KIF5C: variants seen among roughly 807,000 people sequenced by gnomAD.
The protein encoded by KIF5C is kinesin family member 5C.
KIF5C carries 18 observed loss-of-function variants against 125.2 expected under a neutral mutation model. The ratio of observed to expected loss-of-function variants is 0.14; its 90% CI spans 0.10 to 0.21. The LOEUF is 0.21. Ranked by LOEUF, KIF5C falls within the 10% of genes least tolerant of loss-of-function variation. The pLI, the probability that KIF5C is intolerant of heterozygous loss-of-function variation, is 1.00. For synonymous variants in KIF5C, 405 were observed against 434.0 expected (o/e 0.93, Z 0.83); for missense variants, 780 against 1,183.8 (o/e 0.66, Z 5.01).
chr2:148,994,423 C>A lies in KIF5C; in HGVS notation c.1908C>A (p.His636Gln), dbSNP rs369601694. Reference protein sequence around the residue: ...LAACQLLISQHEAKIKSLTDY... With the variant: ...LAACQLLISQQEAKIKSLTDY... ...TCTTCCTTTTTGCTTGTTTAAAGCA[C>A]GAAGCCAAGATCAAGTCTCTGACAG... Residue 636 changes from histidine (H) to glutamine (Q), a missense_variant and splice_region_variant, in exon 17 of 26, where the codon CAC becomes CAA. Around this residue, in one of 2 missense-constraint regions of KIF5C, gnomAD observed 573 missense variants for 742.6 expected, o/e 0.77. Transcript: ENST00000435030. 3 of 1,558,864 alleles carry A rather than the reference C, an allele frequency of 1.9e-6. No individual in the cohort carries two copies. Among genetic ancestry groups the A allele is most frequent in the Non-Finnish European group, 2.6e-6 (3 of 1,151,560 alleles).
chr2:149,000,453 G>T lies in KIF5C; in HGVS notation c.2241G>T (p.Glu747Asp). Residue 747 changes from glutamate to aspartate, a missense_variant, in exon 20 of 26, where the codon GAG (glutamate) becomes GAT (aspartate). Physicochemically the swap from Glu to Asp is conservative, Grantham distance 45 (BLOSUM62 2). Around this residue, in one of 2 missense-constraint regions of KIF5C, gnomAD observed 573 missense variants for 742.6 expected, o/e 0.77. Coordinates refer to ENST00000435030, the MANE Select transcript of KIF5C (RefSeq NM_004522.3). ...ATCAGAAACTGCAACTGGAACAGGA[G>T]AAGCTTAGTTCTGATTATAACAAGC... Reference protein sequence around the residue: ...DLNQKLQLEQEKLSSDYNKLK... With the variant: ...DLNQKLQLEQDKLSSDYNKLK... The T allele has an allele frequency of 6.3e-7, 1 of 1,587,226 alleles. No homozygotes were observed. The highest frequency in any genetic ancestry group is 1.1e-5 in the South Asian group (1 of 87,520).
In KIF5C at chr2:148,960,224, G is replaced by C. The variant is rs1237756593; in HGVS notation, c.969-1747G>C. Among the ~76,000 whole-genome samples, 3 of 152,246 alleles carry C rather than the reference G, an allele frequency of 2.0e-5. No homozygotes were observed. The East Asian group carries it at 5.8e-4, about 29-fold the overall frequency. ...AATATGCCTCTGGCTAAACCTGCCT[G>C]AGTATAGCATAGAGGCTTTAGCTTT... On this transcript the variant is annotated intron_variant, in intron 10 of 25. Transcript: ENST00000435030.
In KIF5C at chr2:149,024,820, T is replaced by G. The variant is rs1028879561; in HGVS notation, c.*1750T>G. On this transcript the variant is annotated 3_prime_UTR_variant, in exon 26 of 26. Coordinates refer to ENST00000435030, the MANE Select transcript of KIF5C (RefSeq NM_004522.3). ...TTTTGTTATCAGTGCCAGCCCAATATACCTGCTCTACCATTATTTGCGGTC... is the reference window on the plus strand; with the variant it reads ...TTTTGTTATCAGTGCCAGCCCAATAGACCTGCTCTACCATTATTTGCGGTC... 2.0e-5 allele frequency: 3 copies of G among 152,624 alleles called. No homozygotes were observed. The highest frequency in any genetic ancestry group is 7.2e-5 in the African/African-American group (3 of 41,442). The allele number at this position is 152,624 out of a possible 1,614,324, so 9.5% of individuals were successfully genotyped here.
chr2:148,930,333 T>C (rs1337723063), intron 3 of KIF5C, among the ~76,000 whole-genome samples: 1 of 151,966 alleles, frequency 6.6e-6, no homozygotes, highest in African/African-American at 2.4e-5. Context: ...TTTTCCTTTT[T>C]TTTTTTTCTT....
At chr2:148,912,159 A>G (rs1177752136) in intron 1 of KIF5C, among the ~76,000 whole-genome samples, 2 of 152,216 alleles carry the variant, frequency 1.3e-5, no homozygotes, top group Non-Finnish European at 2.9e-5. Flanking sequence ...TGAGTCCATT[A>G]GTGGTTCAAA....
intron 1 of KIF5C, among the ~76,000 whole-genome samples, chr2:148,875,950 GGGCGGGGGT>G (rs1208592568): frequency 3.3e-5 from 5 of 151,778 alleles, no homozygotes; most frequent in African/African-American, 4.8e-5. Context: ...GCGGCGGGCC[GGGCGGGGGT>G]GGCGGGGGTG....
At chr2:148,909,275 G>A (rs746871311) in intron 1 of KIF5C, among the ~76,000 whole-genome samples, 1 of 152,158 alleles carries the variant, frequency 6.6e-6, no homozygotes, top group African/African-American at 2.4e-5. Context: ...TCACGCTTTT[G>A]GTCACCTCTG....
intron 7 of KIF5C, among the ~76,000 whole-genome samples, chr2:148,945,469 G>A (rs1484257809): frequency 1.2e-4 from 18 of 152,018 alleles, no homozygotes; most frequent in Non-Finnish European, 1.5e-5. Flanking sequence ...TTATTTCTGG[G>A]CCCTTTATTC....
chr2:148,972,075 C>T (rs1680930858), intron 11 of KIF5C, among the ~76,000 whole-genome samples: 1 of 152,112 alleles, frequency 6.6e-6, no homozygotes, highest in Admixed American at 6.5e-5. Flanking sequence ...GCTGGGATTA[C>T]AGGTGTGCAC....
intron 25 of KIF5C, among the ~76,000 whole-genome samples, chr2:149,022,154 T>A (rs1043593117): frequency 4.6e-5 from 7 of 151,988 alleles, no homozygotes; most frequent in African/African-American, 1.7e-4. Flanking sequence ...CTACAGAGAG[T>A]CTGGGTTAGG....
intron 12 of KIF5C, among the ~76,000 whole-genome samples, chr2:148,974,494 A>G (rs1402897681): frequency 2.6e-5 from 4 of 152,192 alleles, no homozygotes. Context: ...TTGTGATTCC[A>G]AGAGCTTGCA....
At chr2:149,003,013 C>T (rs1681904220) in intron 21 of KIF5C, among the ~76,000 whole-genome samples, 1 of 152,216 alleles carries the variant, frequency 6.6e-6, no homozygotes. Flanking sequence ...TCCCCGCTCT[C>T]ACCCTCGCCC....
In KIF5C at chr2:148,975,225, T is replaced by A. The variant is rs1380983141; in HGVS notation, c.1293+1714T>A. On this transcript the variant is annotated intron_variant, in intron 12 of 25. Coordinates refer to ENST00000435030, the MANE Select transcript of KIF5C (RefSeq NM_004522.3). ...CCTTAGGGGGCACCAGAGCTAATGG[T>A]TTGCCCTCAGTGACCCTTCCCAAAG... is the stretch of plus-strand genomic sequence containing the variant. Among the ~76,000 whole-genome samples the A allele has an allele frequency of 2.6e-5, 4 of 152,110 alleles. No homozygotes were observed. In the East Asian group the frequency reaches 7.7e-4, roughly 29 times the overall value.
Position 148,875,757 on chromosome 2 carries a change from G to A in KIF5C, c.126+14G>A, listed in dbSNP as rs770516249. ...GTGGTGATCGGGGTAAGTGGCTGGG[G>A]CGTCTGCCTTCCCTGCTGCTCCGCG... On this transcript the variant is annotated intron_variant, in intron 1 of 25. Coordinates refer to ENST00000435030, the MANE Select transcript of KIF5C (RefSeq NM_004522.3). 6.2e-7 allele frequency: 1 copy of A among 1,600,202 alleles called. No homozygotes were observed. The highest frequency in any genetic ancestry group is 2.3e-5 in the East Asian group (1 of 44,292).
intron 4 of KIF5C, among the ~76,000 whole-genome samples, chr2:148,939,202 C>T (rs528780216): frequency 6.6e-6 from 1 of 152,278 alleles, no homozygotes; most frequent in South Asian, 2.1e-4. Context: ...ACATGCGATA[C>T]CTTTTCAATT....
intron 9 of KIF5C, 74 bp from the exon 10 acceptor site, chr2:148,950,240 T>C (rs1682626199): frequency 1.9e-6 from 3 of 1,566,464 alleles, no homozygotes; most frequent in Admixed American, 1.8e-5. Context: ...AGTGTCTTCA[T>C]CCCTGACTTG....
chr2:148,918,758 G>GAAGGAATTAGGC (rs1444836135), intron 1 of KIF5C, among the ~76,000 whole-genome samples: 37 of 152,214 alleles, frequency 2.4e-4, no homozygotes, highest in African/African-American at 8.7e-4. Context: ...GGAGCCTTTG[G>GAAGGAATTAGGC]AAGGAATTAG....
intron 1 of KIF5C, among the ~76,000 whole-genome samples, chr2:148,894,736 G>T (rs1681795079): frequency 6.6e-6 from 1 of 150,602 alleles, no homozygotes; most frequent in East Asian, 1.9e-4. Flanking sequence ...TGGGAGGGAA[G>T]ATTAAAGGAA....
At chr2:148,971,651 A>G (rs1170412752) in intron 11 of KIF5C, among the ~76,000 whole-genome samples, 1 of 152,214 alleles carries the variant, frequency 6.6e-6, no homozygotes, top group Non-Finnish European at 1.5e-5. Flanking sequence ...CAGCAAGGTA[A>G]TAGTTTATTC....
Sources: allele counts gnomAD v4.1 joint callset (sites outside exome capture counted in the v4.1 genomes callset), GRCh38; gene constraint gnomAD v4.1.1; regional missense constraint gnomAD v4.1.1; transcripts MANE v1.5; gene names NCBI Gene and HGNC (gene_info 2026-07-23, HGNC 2026-07-21).